Variants in PDE1A observed in about 807,000 individuals in gnomAD.
PDE1A encodes dual specificity calcium/calmodulin-dependent 3',5'-cyclic nucleotide phosphodiesterase 1A.
In PDE1A, 35 loss-of-function variants were observed where a neutral mutation model predicts 61.7. That is an observed-to-expected ratio of 0.57 (90% CI 0.43 to 0.75). PDE1A has a LOEUF of 0.75. Ranked by LOEUF, PDE1A falls within the 30% of genes least tolerant of loss-of-function variation. PDE1A has a pLI of 0.00. For missense variants in PDE1A, 597 were observed against 630.6 expected, an observed-to-expected ratio of 0.95 and a Z score of 0.57; for synonymous variants, 232 against 213.2, an observed-to-expected ratio of 1.09 and a Z score of -0.77.
chr2:182,654,988 T>C, the PDE1A span, among the ~76,000 whole-genome samples: 1 of 152,144 alleles, frequency 6.6e-6, no homozygotes, highest in South Asian at 2.1e-4. Flanking sequence ...CTGTCTAAGG[T>C]ACCACCATTT....
At chr2:182,192,772 G>GAA (rs1685809508) in intron 10 of PDE1A, among the ~76,000 whole-genome samples, 1 of 152,052 alleles carries the variant, frequency 6.6e-6, no homozygotes, top group Non-Finnish European at 1.5e-5. Flanking sequence ...GCTTATACCT[G>GAA]TCTTTACAAT....
chr2:182,432,912 TC>T (rs1250218172), intron 2 of PDE1A, among the ~76,000 whole-genome samples: 1 of 152,068 alleles, frequency 6.6e-6, no homozygotes, highest in Non-Finnish European at 1.5e-5. Flanking sequence ...GCTTCTCTGA[TC>T]AATTGCCTCA....
chr2:182,562,538 C>T, the PDE1A span, among the ~76,000 whole-genome samples: 43,537 of 151,266 alleles, frequency 0.29, 6,777 homozygotes, highest in Middle Eastern at 0.39. Context: ...TGTCTCTGCC[C>T]GGCTTTGGTA....
At chr2:182,291,554 T>A (rs903857653) in intron 1 of PDE1A, among the ~76,000 whole-genome samples, 3 of 152,152 alleles carry the variant, frequency 2.0e-5, no homozygotes, top group Non-Finnish European at 2.9e-5. Flanking sequence ...ATCTCTGTGG[T>A]TAGGGACCTT....
chr2:182,447,339 G>C (rs997389806), intron 2 of PDE1A, among the ~76,000 whole-genome samples: 7 of 152,084 alleles, frequency 4.6e-5, no homozygotes, highest in African/African-American at 1.7e-4. Flanking sequence ...AATCTACTGA[G>C]AGATTTTCCA....
At chr2:182,450,858 C>T (rs185511430) in intron 2 of PDE1A, among the ~76,000 whole-genome samples, 34 of 151,536 alleles carry the variant, frequency 2.2e-4, no homozygotes, top group Admixed American at 1.8e-3. Context: ...CAGCTATTTA[C>T]GGCTGGCACT....
intron 13 of PDE1A, among the ~76,000 whole-genome samples, chr2:182,181,343 G>C (rs750477115): frequency 1.2e-4 from 19 of 152,134 alleles, no homozygotes; most frequent in Non-Finnish European, 2.2e-4. Context: ...CTAACAGTTA[G>C]ACCCATCTTC....
chr2:182,527,131 C>A (rs565189414), upstream of PDE1A, among the ~76,000 whole-genome samples: 110 of 148,830 alleles, frequency 7.4e-4, no homozygotes, highest in Non-Finnish European at 1.2e-3. Flanking sequence ...ATTACATATT[C>A]AATGTACAAG....
At chr2:182,505,627 T>C (rs982682126) in intron 2 of PDE1A, among the ~76,000 whole-genome samples, 9 of 152,146 alleles carry the variant, frequency 5.9e-5, no homozygotes, top group Admixed American at 5.2e-4. Context: ...CCACCCCACA[T>C]GCCCATCCTC....
At chr2:182,157,093 C>T (rs1037921352) in intron 13 of PDE1A, among the ~76,000 whole-genome samples, 6 of 150,880 alleles carry the variant, frequency 4.0e-5, no homozygotes, top group African/African-American at 1.5e-4. Flanking sequence ...CGGCTCACTG[C>T]AACCTCCAGC....
the PDE1A span, among the ~76,000 whole-genome samples, chr2:182,676,435 CAA>C: frequency 1.5e-5 from 2 of 137,448 alleles, no homozygotes; most frequent in Non-Finnish European, 1.6e-5. Flanking sequence ...GCCTACCAAC[CAA>C]AAAAAAAAAG....
At chr2:182,256,376 G>A (rs1223347514) in intron 2 of PDE1A, among the ~76,000 whole-genome samples, 2 of 150,458 alleles carry the variant, frequency 1.3e-5, no homozygotes, top group East Asian at 2.0e-4. Context: ...GAGAATGATG[G>A]TTTCCAATTT....
chr2:182,577,617 G>A, the PDE1A span, among the ~76,000 whole-genome samples: 7 of 152,214 alleles, frequency 4.6e-5, no homozygotes, highest in Non-Finnish European at 1.0e-4. Context: ...CAGCAGGTCC[G>A]ATGTGTGAGA....
chr2:182,432,388 ATAAAT>A (rs142731577), intron 2 of PDE1A, among the ~76,000 whole-genome samples: 5,840 of 152,132 alleles, frequency 0.038, 134 homozygotes, highest in Middle Eastern at 0.079. Context: ...AAATGTGAAA[ATAAAT>A]TAAAGTATCT....
chr2:182,265,584 C>T (rs543060453), intron 1 of PDE1A, among the ~76,000 whole-genome samples: 5 of 151,968 alleles, frequency 3.3e-5, no homozygotes, highest in South Asian at 2.1e-4. Context: ...ACAGAAACCA[C>T]GAGATAATTA....
At chr2:182,409,534 T>C (rs759692992) in intron 1 of PDE1A, among the ~76,000 whole-genome samples, 4 of 152,172 alleles carry the variant, frequency 2.6e-5, no homozygotes, top group Non-Finnish European at 5.9e-5. Context: ...AAGCAGATTG[T>C]AAAAGTAAAT....
chr2:182,300,858 C>T (rs145746687), intron 1 of PDE1A, among the ~76,000 whole-genome samples: 15 of 152,164 alleles, frequency 9.9e-5, no homozygotes, highest in South Asian at 2.1e-4. Flanking sequence ...CATGAATGTA[C>T]GCTATGCATG....
At chr2:182,314,711 C>T (rs915804199) in intron 1 of PDE1A, among the ~76,000 whole-genome samples, 30 of 152,104 alleles carry the variant, frequency 2.0e-4, no homozygotes, top group Admixed American at 3.3e-4. Context: ...GAGAAATTTT[C>T]AAGGAGCATA....
At chr2:182,232,187 C>A (rs535190577) in intron 4 of PDE1A, among the ~76,000 whole-genome samples, 37 of 152,114 alleles carry the variant, frequency 2.4e-4, no homozygotes, top group Middle Eastern at 6.8e-3. Flanking sequence ...GAAAGTACCC[C>A]CTAACAGAGA....
Sources: allele counts gnomAD v4.1 joint callset (sites outside exome capture counted in the v4.1 genomes callset), GRCh38; gene constraint gnomAD v4.1.1; transcripts MANE v1.5; gene names NCBI Gene and HGNC (gene_info 2026-07-23, HGNC 2026-07-21).